ST6GALNAC5: variants seen among roughly 807,000 people sequenced by gnomAD.
ST6GALNAC5 encodes the protein ST6 N-acetylgalactosaminide alpha-2,6-sialyltransferase 5.
A neutral mutation model predicts 33.6 loss-of-function variants in ST6GALNAC5; 27 were observed. The observed-to-expected ratio is 0.80, with a 90% CI of 0.59 to 1.11. ST6GALNAC5 has a LOEUF of 1.11. Among genes scored for constraint, ST6GALNAC5 ranks in the 50% least tolerant of loss-of-function variants. The probability of loss-of-function intolerance (pLI) is 0.00; values close to 1 mark genes in which losing one functional copy is unlikely to be tolerated. For missense variants in ST6GALNAC5, 428 were observed against 454.0 expected, an observed-to-expected ratio of 0.94 and a Z score of 0.52; for synonymous variants, 194 against 171.2, an observed-to-expected ratio of 1.13 and a Z score of -1.04.
chr1:76,956,156 A>G (rs1647958684), intron 2 of ST6GALNAC5, among the ~76,000 whole-genome samples: 2 of 152,142 alleles, frequency 1.3e-5, no homozygotes, highest in South Asian at 4.1e-4. Context: ...CCATACTTTG[A>G]AACCGGATAT....
rs1005303684 is a variant in ST6GALNAC5, at chr1:77,064,115, C to T, written c.*909C>T. 2.0e-5 allele frequency: 3 copies of T among 152,044 alleles called. No homozygotes were observed. Among genetic ancestry groups the T allele is most frequent in the African/African-American group, 7.2e-5 (3 of 41,386 alleles). 9.4% of individuals were successfully genotyped at this position (152,044 alleles called of 1,614,324 possible). A position where few individuals can be genotyped will look rare whatever the true frequency, so the allele number is the denominator to read the frequency against. On this transcript the variant is annotated 3_prime_UTR_variant, in exon 5 of 5. Transcript: ENST00000477717. ...TTATGTAAGTGTCCTCTCTTGAGCC[C>T]TAGTTTCCTTTTTGGCAGAATGATG...
chr1:76,984,793 A>T (rs1198430166), intron 2 of ST6GALNAC5, among the ~76,000 whole-genome samples: 1 of 152,228 alleles, frequency 6.6e-6, no homozygotes, highest in Admixed American at 6.5e-5. Flanking sequence ...CAAATACAAC[A>T]GCACATCAAA....
chr1:76,906,904 C>T (rs1382123449), intron 2 of ST6GALNAC5, among the ~76,000 whole-genome samples: 1 of 152,082 alleles, frequency 6.6e-6, no homozygotes, highest in Non-Finnish European at 1.5e-5. Flanking sequence ...ACTACTGTTT[C>T]CTCATTCTTT....
intron 2 of ST6GALNAC5, among the ~76,000 whole-genome samples, chr1:76,880,911 AAG>A (rs1653765061): frequency 6.6e-6 from 1 of 152,230 alleles, no homozygotes; most frequent in Admixed American, 6.5e-5. Flanking sequence ...CCTATTATAA[AAG>A]AGAATTTCCG....
intron 2 of ST6GALNAC5, among the ~76,000 whole-genome samples, chr1:76,908,231 C>T (rs946021267): frequency 1.3e-5 from 2 of 152,082 alleles, no homozygotes; most frequent in Non-Finnish European, 2.9e-5. Context: ...GTATGTCTCA[C>T]AGTTCTGGAG....
At chr1:76,966,614 G>A (rs1026590747) in intron 2 of ST6GALNAC5, among the ~76,000 whole-genome samples, 1 of 152,104 alleles carries the variant, frequency 6.6e-6, no homozygotes, top group Admixed American at 6.5e-5. Context: ...GATTGCCCTG[G>A]CCAGAACTTC....
At chr1:76,947,683 C>T (rs1340011320) in intron 2 of ST6GALNAC5, among the ~76,000 whole-genome samples, 2 of 152,072 alleles carry the variant, frequency 1.3e-5, no homozygotes, top group Non-Finnish European at 2.9e-5. Context: ...GAGTTCAAGG[C>T]TGCAGTGAGC....
chr1:77,041,907 T>A (rs1029009512), intron 2 of ST6GALNAC5, among the ~76,000 whole-genome samples: 1 of 152,174 alleles, frequency 6.6e-6, no homozygotes, highest in Non-Finnish European at 1.5e-5. Context: ...ATAGCATCAC[T>A]GAATTTCTAA....
At chr1:76,876,415 G>A (rs1051204294) in intron 2 of ST6GALNAC5, among the ~76,000 whole-genome samples, 3 of 152,222 alleles carry the variant, frequency 2.0e-5, no homozygotes, top group African/African-American at 7.2e-5. Context: ...AAGAGGCTGA[G>A]TTGTGTCCAC....
In ST6GALNAC5 at chr1:76,899,495, T is replaced by G. The variant is rs973071005; in HGVS notation, c.261+30753T>G. Among the ~76,000 whole-genome samples the G allele has an allele frequency of 2.6e-5, 4 of 152,114 alleles. No homozygotes were observed. The South Asian group carries it at 6.2e-4, about 24-fold the overall frequency. On this transcript the variant is annotated intron_variant, in intron 2 of 4. Coordinates refer to ENST00000477717, the MANE Select transcript of ST6GALNAC5 (RefSeq NM_030965.3). ...CACAGAGACAAGAGGTTGGGGTTCC[T>G]GCCCCTCCCCCAGAAAAGCGGGACT...
At chr1:76,982,244 G>T (rs536609871) in intron 2 of ST6GALNAC5, among the ~76,000 whole-genome samples, 2 of 152,142 alleles carry the variant, frequency 1.3e-5, no homozygotes, top group Non-Finnish European at 2.9e-5. Context: ...CAAACCCATC[G>T]CAAGGAAGCT....
chr1:77,040,187 C>T (rs1651788117), intron 2 of ST6GALNAC5, among the ~76,000 whole-genome samples: 1 of 152,180 alleles, frequency 6.6e-6, no homozygotes, highest in South Asian at 2.1e-4. Flanking sequence ...AAGAAACAGA[C>T]TTCATTTTGT....
chr1:77,021,229 T>C (rs1651042732), intron 2 of ST6GALNAC5, among the ~76,000 whole-genome samples: 1 of 152,210 alleles, frequency 6.6e-6, no homozygotes, highest in Non-Finnish European at 1.5e-5. Flanking sequence ...CAAACCTTTC[T>C]TCCATCCCCT....
At chr1:76,976,416 A>G (rs1376450778) in intron 2 of ST6GALNAC5, among the ~76,000 whole-genome samples, 1 of 152,014 alleles carries the variant, frequency 6.6e-6, no homozygotes, top group Non-Finnish European at 1.5e-5. Flanking sequence ...TTGAGGTTTG[A>G]TATGTTGATT....
chr1:76,913,672 T>A (rs1347505399), intron 2 of ST6GALNAC5, among the ~76,000 whole-genome samples: 4 of 152,262 alleles, frequency 2.6e-5, no homozygotes, highest in African/African-American at 9.6e-5. Flanking sequence ...ATTCATTTCA[T>A]CTTCCATCAC....
chr1:77,054,013 A>G (rs1015518186), intron 4 of ST6GALNAC5, among the ~76,000 whole-genome samples: 4 of 152,204 alleles, frequency 2.6e-5, no homozygotes, highest in South Asian at 2.1e-4. Flanking sequence ...ATTTCAGACC[A>G]TAAGACAAAA....
intron 2 of ST6GALNAC5, among the ~76,000 whole-genome samples, chr1:76,892,208 T>A (rs550028525): frequency 6.6e-6 from 1 of 152,340 alleles, no homozygotes; most frequent in Non-Finnish European, 1.5e-5. Context: ...AAAAGTACTC[T>A]CGTGAGAGTG....
intron 2 of ST6GALNAC5, among the ~76,000 whole-genome samples, chr1:76,923,256 T>A (rs959948723): frequency 6.7e-6 from 1 of 149,096 alleles, no homozygotes; most frequent in Admixed American, 6.8e-5. Context: ...AAAATTGCTT[T>A]AAAAATTAAA....
intron 1 of ST6GALNAC5, among the ~76,000 whole-genome samples, chr1:76,867,983 T>C (rs896788492): frequency 6.6e-6 from 1 of 151,980 alleles, no homozygotes; most frequent in African/African-American, 2.4e-5. Context: ...GGCAGATTGC[T>C]CAAGGGATGG....
Sources: allele counts gnomAD v4.1 joint callset (sites outside exome capture counted in the v4.1 genomes callset), GRCh38; gene constraint gnomAD v4.1.1; transcripts MANE v1.5; gene names NCBI Gene and HGNC (gene_info 2026-07-23, HGNC 2026-07-21).